The following SPRY3 variants were observed in gnomAD, a reference collection of about 807,000 sequenced individuals.
SPRY3 encodes sprouty RTK signaling antagonist 3.
SPRY3 carries 15 observed loss-of-function variants against 20.2 expected under a neutral mutation model. That is an observed-to-expected ratio of 0.74 (90% confidence interval 0.50 to 1.14). The LOEUF (loss-of-function observed/expected upper bound fraction) is 1.14, where lower values mean the gene tolerates loss of function less well. SPRY3 is among the 50% of genes most tolerant of loss of function. The pLI is 0.00. For synonymous variants in SPRY3, 143 were observed against 136.5 expected, an observed-to-expected ratio of 1.05 and a Z score of -0.33; for missense variants, 364 against 363.9, an observed-to-expected ratio of 1.00 and a Z score of 0.00.
intron 1 of SPRY3, among the ~76,000 whole-genome samples, chrX:155,639,628 A>G (rs1423653244): frequency 3.6e-5 from 4 of 112,292 alleles, no homozygotes; most frequent in Non-Finnish European, 1.9e-5. Flanking sequence ...GGACATTTGA[A>G]TTGTTTCCAT....
chrX:155,654,733 GTA>G (rs1397217466), intron 1 of SPRY3, among the ~76,000 whole-genome samples: 2 of 79,223 alleles, frequency 2.5e-5, no homozygotes, highest in African/African-American at 9.3e-5. Flanking sequence ...GTGTGTGTGT[GTA>G]TAATATAAAA....
chrX:155,767,712 G>GGAA (rs1200137214), intron 2 of SPRY3: 2 of 108,152 alleles, frequency 1.8e-5, no homozygotes, highest in African/African-American at 8.6e-5. Flanking sequence ...AAGAAGAGGA[G>GGAA]GAGGAGAAAG....
At position 155,738,591 on chromosome X, in the gene SPRY3, T is replaced by C. The variant is rs929254179; in HGVS notation, c.-281-29371T>C. ...GGACAGCAAGGAAAGCAGGGTGGGGTGATGGCCCACCCAGAAGTGGTACAG... is the reference window on the plus strand; with the variant it reads ...GGACAGCAAGGAAAGCAGGGTGGGGCGATGGCCCACCCAGAAGTGGTACAG... On this transcript the variant is annotated intron_variant, in intron 2 of 3. Coordinates refer to ENST00000675360, the Ensembl canonical transcript of SPRY3. 3.3e-5 allele frequency among the ~76,000 whole-genome samples: 5 copies of C among 151,924 alleles called. No homozygotes were observed. In the South Asian group the frequency reaches 1.0e-3, roughly 32 times the overall value.
At chrX:155,656,603 G>A (rs966740432) in intron 1 of SPRY3, among the ~76,000 whole-genome samples, 17 of 110,925 alleles carry the variant, frequency 1.5e-4, no homozygotes, top group African/African-American at 4.3e-4. Context: ...CTGTCAATTC[G>A]TCAAACTCAT....
In SPRY3 at chrX:155,668,811, G is replaced by A; in HGVS notation, c.-282+11786G>A. On this transcript the variant is annotated intron_variant, in intron 2 of 3. Coordinates refer to ENST00000675360, the Ensembl canonical transcript of SPRY3. The stretch of plus-strand genomic sequence containing the variant: ...CTTATAGGAATATTCCAGTCACTAT[G>A]TTCCAAGCCATAACTATCGGCTCTT... 2.7e-5 allele frequency among the ~76,000 whole-genome samples: 3 copies of A among 110,307 alleles called. No individual in the cohort carries two copies. The Middle Eastern group carries it at 0.014, about 508-fold the overall frequency.
exon 2 of SPRY3, chrX:155,781,859 T>G (rs2091465053): frequency 6.0e-6 from 1 of 166,044 alleles, no homozygotes; most frequent in Non-Finnish European, 1.5e-5. Context: ...TGAACACTTG[T>G]GTAGGTCGTA....
intron 2 of SPRY3, among the ~76,000 whole-genome samples, chrX:155,675,139 C>T (rs1278773507): frequency 8.9e-6 from 1 of 111,839 alleles, no homozygotes; most frequent in East Asian, 2.8e-4. Context: ...CAAATGCCTG[C>T]CTTATTCAAT....
intron 2 of SPRY3, among the ~76,000 whole-genome samples, chrX:155,730,089 C>T (rs2091123474): frequency 6.6e-6 from 1 of 152,098 alleles, no homozygotes; most frequent in African/African-American, 2.4e-5. Flanking sequence ...CCAATGGCTT[C>T]ACTGTTGAAA....
intron 2 of SPRY3, among the ~76,000 whole-genome samples, chrX:155,750,568 C>T (rs750202401): frequency 6.6e-6 from 1 of 151,990 alleles, no homozygotes; most frequent in East Asian, 1.9e-4. Context: ...GAATAATCAA[C>T]CATGTAAATG....
downstream of SPRY3, chrX:155,777,060 C>T (rs2091431683): frequency 6.0e-6 from 1 of 167,004 alleles, no homozygotes; most frequent in African/African-American, 2.4e-5. Context: ...TCAGATCCTT[C>T]AATTTTAAGT....
At chrX:155,729,861 GA>G (rs1165823812) in intron 2 of SPRY3, among the ~76,000 whole-genome samples, 1 of 151,952 alleles carries the variant, frequency 6.6e-6, no homozygotes, top group African/African-American at 2.4e-5. Flanking sequence ...AAAATAAGAT[GA>G]AAAAGGAAAT....
exon 2 of SPRY3, chrX:155,782,058 A>G (rs1451370707): frequency 2.4e-5 from 4 of 167,038 alleles, no homozygotes; most frequent in African/African-American, 9.7e-5. Flanking sequence ...CAGGGTTTCA[A>G]TGGAACTCGT....
intron 2 of SPRY3, among the ~76,000 whole-genome samples, chrX:155,718,938 T>C (rs1278087010): frequency 1.3e-5 from 2 of 152,030 alleles, no homozygotes; most frequent in Non-Finnish European, 2.9e-5. Context: ...CCACCAATCA[T>C]TCACCCCACA....
intron 2 of SPRY3, among the ~76,000 whole-genome samples, chrX:155,750,021 T>C (rs774418877): frequency 2.0e-5 from 3 of 151,884 alleles, no homozygotes; most frequent in African/African-American, 7.2e-5. Flanking sequence ...GATTGAGTCT[T>C]ACATTACTTC....
intron 2 of SPRY3, among the ~76,000 whole-genome samples, chrX:155,750,087 A>G (rs2091253635): frequency 6.6e-6 from 1 of 151,892 alleles, no homozygotes; most frequent in Non-Finnish European, 1.5e-5. Flanking sequence ...ACCATAGAAT[A>G]CTACACAGTC....
At chrX:155,721,037 G>A (rs2091054072) in intron 2 of SPRY3, among the ~76,000 whole-genome samples, 1 of 152,064 alleles carries the variant, frequency 6.6e-6, no homozygotes, top group African/African-American at 2.4e-5. Flanking sequence ...AAATAAATAT[G>A]AGATAACACA....
chrX:155,728,279 C>A (rs2091112628), intron 2 of SPRY3, among the ~76,000 whole-genome samples: 1 of 152,168 alleles, frequency 6.6e-6, no homozygotes, highest in African/African-American at 2.4e-5. Flanking sequence ...GTCAGGGACC[C>A]ACTTGAGGAG....
intron 2 of SPRY3, among the ~76,000 whole-genome samples, chrX:155,745,213 G>A (rs1445280574): frequency 6.6e-6 from 1 of 152,116 alleles, no homozygotes; most frequent in East Asian, 1.9e-4. Context: ...GGCAACTAGA[G>A]GGGGTCAGCT....
chrX:155,706,094 A>T (rs756550646), intron 2 of SPRY3, among the ~76,000 whole-genome samples: 4 of 151,410 alleles, frequency 2.6e-5, no homozygotes, highest in South Asian at 4.1e-4. Context: ...ATATTCACCA[A>T]TGTAGACCAT....
Sources: gnomAD v4.1 joint callset for allele counts (sites outside exome capture counted in the v4.1 genomes callset) on GRCh38, gnomAD v4.1.1 for gene constraint, MANE v1.5 for transcripts, NCBI Gene and HGNC (gene_info 2026-07-23, HGNC 2026-07-21) for gene names.